The following DYNC1I2 variants were observed in gnomAD, a reference collection of about 807,000 sequenced individuals.
The protein encoded by DYNC1I2 is dynein cytoplasmic 1 intermediate chain 2.
Under a neutral mutation model 88.6 loss-of-function variants are expected in DYNC1I2, and 53 were observed. That is an observed-to-expected ratio of 0.60 (90% CI 0.48 to 0.75). The LOEUF is 0.75. Ranked by LOEUF, DYNC1I2 falls within the 30% of genes least tolerant of loss-of-function variation. The pLI is 0.00. For missense variants in DYNC1I2, 458 were observed against 766.6 expected (o/e 0.60, Z 4.75); for synonymous variants, 198 against 254.6 (o/e 0.78, Z 2.12).
At chr2:171,738,437 A>C (rs911376506) in intron 15 of DYNC1I2, among the ~76,000 whole-genome samples, 7 of 152,208 alleles carry the variant, frequency 4.6e-5, no homozygotes, top group African/African-American at 1.7e-4. Context: ...GTTGTAGATT[A>C]TTCATTCTCT....
intron 3 of DYNC1I2, among the ~76,000 whole-genome samples, chr2:171,695,390 T>G (rs1685692787): frequency 1.3e-5 from 2 of 152,278 alleles, no homozygotes; most frequent in Middle Eastern, 3.4e-3. Flanking sequence ...TTAGCCACCA[T>G]GCCCGGCCCA....
chr2:171,728,425 T>C lies in DYNC1I2; in HGVS notation c.1257+7T>C. The C allele has an allele frequency of 6.5e-7, 1 of 1,540,192 alleles. No homozygotes were observed. Among genetic ancestry groups the C allele is most frequent in the Non-Finnish European group, 8.9e-7 (1 of 1,129,842 alleles). ...CATGCTTTCCCATCCACAGGTGGGT[T>C]AAACTTGGGAAACTGAAATTTTGAG... is the stretch of plus-strand genomic sequence containing the variant. On this transcript the variant is annotated splice_region_variant and intron_variant, in intron 13 of 17. Transcript: ENST00000397119.
Position 171,695,809 on chromosome 2 carries a change from C to T in DYNC1I2, c.226+2915C>T, listed in dbSNP as rs532502796. Among the ~76,000 whole-genome samples, 18 of 149,214 alleles carry T rather than the reference C, an allele frequency of 1.2e-4. No homozygotes were observed. The South Asian group carries it at 3.4e-3, about 28-fold the overall frequency. On this transcript the variant is annotated intron_variant, in intron 3 of 17. Coordinates refer to ENST00000397119, the MANE Select transcript of DYNC1I2 (RefSeq NM_001378.3). ...CTCCAGAATGGCTACAAAGTTTACC[C>T]GCCCGCTACCAGTGCATGAAAAAGT...
intron 17 of DYNC1I2, among the ~76,000 whole-genome samples, chr2:171,747,207 T>TTATATATATATATATATATATA (rs67834157): frequency 9.5e-4 from 118 of 124,650 alleles, no homozygotes; most frequent in Admixed American, 1.5e-3. Context: ...AAAAAAAAAA[T>TTATATATATATATATATATATA]TATATATATA....
chr2:171,705,068 A>G (rs1259890604), intron 3 of DYNC1I2, among the ~76,000 whole-genome samples: 1 of 152,124 alleles, frequency 6.6e-6, no homozygotes, highest in Admixed American at 6.5e-5. Flanking sequence ...GGAGATATTT[A>G]TATAATTACA....
intron 5 of DYNC1I2, among the ~76,000 whole-genome samples, chr2:171,711,242 A>T (rs1266499139): frequency 1.3e-5 from 2 of 152,042 alleles, no homozygotes; most frequent in Non-Finnish European, 2.9e-5. Context: ...ACCTCAAGTG[A>T]TCTGCCCACC....
At chr2:171,747,145 G>A (rs1253570062) in intron 17 of DYNC1I2, among the ~76,000 whole-genome samples, 1 of 148,266 alleles carries the variant, frequency 6.7e-6, no homozygotes, top group Non-Finnish European at 1.5e-5. Context: ...AGTGAGCCAA[G>A]ATAGTGCCAC....
chr2:171,710,126 C>T (rs1241295770), intron 5 of DYNC1I2, among the ~76,000 whole-genome samples: 21 of 46,078 alleles, frequency 4.6e-4, no homozygotes, highest in South Asian at 1.6e-3. Context: ...TATATATACA[C>T]ACACACACAC....
intron 6 of DYNC1I2, among the ~76,000 whole-genome samples, chr2:171,713,621 G>T (rs960630605): frequency 6.6e-6 from 1 of 151,950 alleles, no homozygotes; most frequent in Non-Finnish European, 1.5e-5. Flanking sequence ...CATTCATTCA[G>T]TTATTTATTC....
chr2:171,740,571 T>C (rs1689354644), intron 15 of DYNC1I2, among the ~76,000 whole-genome samples: 1 of 152,190 alleles, frequency 6.6e-6, no homozygotes, highest in East Asian at 1.9e-4. Flanking sequence ...AGGGTCAGTG[T>C]TCCTAGATAC....
intron 15 of DYNC1I2, among the ~76,000 whole-genome samples, chr2:171,731,174 C>T (rs1688580215): frequency 6.6e-6 from 1 of 152,172 alleles, no homozygotes; most frequent in Non-Finnish European, 1.5e-5. Context: ...TCTTTCCTTT[C>T]TTGGATTGTT....
At chr2:171,696,555 A>G (rs1685783402) in intron 3 of DYNC1I2, among the ~76,000 whole-genome samples, 1 of 151,994 alleles carries the variant, frequency 6.6e-6, no homozygotes, top group African/African-American at 2.4e-5. Flanking sequence ...TGTTTTTCCT[A>G]TTAATTTTAT....
chr2:171,736,871 T>A lies in DYNC1I2; in HGVS notation c.1536+7018T>A, dbSNP rs998611605. On this transcript the variant is annotated intron_variant, in intron 15 of 17. Transcript: ENST00000397119. ...CCCAGTTCTCTAGGAAGCATCTCAC[T>A]ATTATCTTCACGTGTTTAATGTAGG... Among the ~76,000 whole-genome samples, 10 of 152,320 alleles carry A rather than the reference T, an allele frequency of 6.6e-5. 1 individual carries two copies. Among genetic ancestry groups the A allele is most frequent in the African/African-American group, 2.4e-4 (10 of 41,592 alleles).
intron 5 of DYNC1I2, among the ~76,000 whole-genome samples, chr2:171,707,920 C>G (rs1034414924): frequency 1.3e-5 from 2 of 152,168 alleles, no homozygotes; most frequent in Admixed American, 6.5e-5. Flanking sequence ...CCTGAACTTG[C>G]ATCTTCCTTG....
chr2:171,725,494 T>C, intron 7 of DYNC1I2, 124 bp from the exon 8 acceptor site: 1 of 600,868 alleles, frequency 1.7e-6, no homozygotes, highest in Non-Finnish European at 2.8e-6. Context: ...CTTTTGCTTA[T>C]ATCTTGGGAG....
intron 17 of DYNC1I2, among the ~76,000 whole-genome samples, chr2:171,746,360 G>A (rs114564311): frequency 6.6e-6 from 1 of 152,170 alleles, no homozygotes; most frequent in African/African-American, 2.4e-5. Flanking sequence ...TGTGCATCTT[G>A]ACTCTTAAGC....
chr2:171,702,905 A>G (rs187833308), intron 3 of DYNC1I2, among the ~76,000 whole-genome samples: 2 of 151,950 alleles, frequency 1.3e-5, no homozygotes, highest in Admixed American at 1.3e-4. Context: ...AGAAATGGGG[A>G]CTCACCCATC....
chr2:171,743,611 C>T (rs965339550), intron 15 of DYNC1I2, among the ~76,000 whole-genome samples: 1 of 152,138 alleles, frequency 6.6e-6, no homozygotes, highest in Non-Finnish European at 1.5e-5. Context: ...GGTTTGTTTC[C>T]ACCTGATTTT....
chr2:171,698,351 AG>A lies in DYNC1I2; in HGVS notation c.226+5459del, dbSNP rs1183681806. 4.6e-5 allele frequency among the ~76,000 whole-genome samples: 7 copies of A among 152,296 alleles called. No homozygotes were observed. The East Asian group carries it at 1.2e-3, about 25-fold the overall frequency. On this transcript the variant is annotated intron_variant, in intron 3 of 17. Transcript: ENST00000397119. ...GCTTTAATTACTCATAGTCACCTCT[AG>A]GCATGGCAGATGAGTTTTTGCATGT... is the stretch of plus-strand genomic sequence containing the variant.
Sources: allele counts gnomAD v4.1 joint callset (sites outside exome capture counted in the v4.1 genomes callset), GRCh38; gene constraint gnomAD v4.1.1; transcripts MANE v1.5; gene names NCBI Gene and HGNC (gene_info 2026-07-23, HGNC 2026-07-21).